Variants in LARP4B observed in about 807,000 individuals in gnomAD.
The protein encoded by LARP4B is La ribonucleoprotein 4B, also known as la-related protein 4B.
Under a neutral mutation model 89.8 loss-of-function variants are expected in LARP4B, and 12 were observed. The ratio of observed to expected loss-of-function variants is 0.13; its 90% confidence interval spans 0.09 to 0.22. The LOEUF is 0.22. Ranked by LOEUF, LARP4B falls within the 10% of genes least tolerant of loss-of-function variation. LARP4B has a pLI of 1.00. For missense variants in LARP4B, 757 were observed against 947.7 expected (o/e 0.80, Z 2.64); for synonymous variants, 367 against 363.3 (o/e 1.01, Z -0.12).
chr10:980,532 A>G, the LARP4B span, among the ~76,000 whole-genome samples: 1 of 152,192 alleles, frequency 6.6e-6, no homozygotes, highest in Non-Finnish European at 1.5e-5. Context: ...CATTCTGTGC[A>G]CCTGCATGCT....
At chr10:844,702 T>A (rs1276603803) in intron 6 of LARP4B, among the ~76,000 whole-genome samples, 1 of 152,034 alleles carries the variant, frequency 6.6e-6, no homozygotes, top group Non-Finnish European at 1.5e-5. Flanking sequence ...CCAACTTCAG[T>A]GTGAGGAAGT....
chr10:924,172 T>G (rs1461563644), intron 1 of LARP4B, among the ~76,000 whole-genome samples: 3 of 152,112 alleles, frequency 2.0e-5, no homozygotes, highest in African/African-American at 7.2e-5. Flanking sequence ...CAAGCCCAGG[T>G]CGAGGCTGCA....
the LARP4B span, among the ~76,000 whole-genome samples, chr10:943,244 G>T: frequency 1.3e-5 from 2 of 152,118 alleles, no homozygotes; most frequent in Non-Finnish European, 2.9e-5. Context: ...ACCGCACCTG[G>T]CCTCACAAGT....
At chr10:965,507 A>G in the LARP4B span, among the ~76,000 whole-genome samples, 1 of 152,192 alleles carries the variant, frequency 6.6e-6, no homozygotes, top group Non-Finnish European at 1.5e-5. Flanking sequence ...GGTCGGAGAC[A>G]CCAAGAACGC....
chr10:973,885 C>A, the LARP4B span, among the ~76,000 whole-genome samples: 1 of 152,092 alleles, frequency 6.6e-6, no homozygotes, highest in Non-Finnish European at 1.5e-5. Context: ...GGATTTCTGC[C>A]GTGTTTTCAT....
At chr10:818,002 A>G in intron 14 of LARP4B, 113 bp from the exon 15 acceptor site, 1 of 1,047,044 alleles carries the variant, frequency 9.6e-7, no homozygotes, top group South Asian at 1.6e-5. Flanking sequence ...CATTCAACCC[A>G]GACAAGGGCT....
At chr10:956,826 T>C in the LARP4B span, among the ~76,000 whole-genome samples, 1 of 152,124 alleles carries the variant, frequency 6.6e-6, no homozygotes, top group African/African-American at 2.4e-5. This position sits in a 1 kb window ranked among gnomAD's most constrained non-coding sequence, Gnocchi z 4.3. Flanking sequence ...GTATGTGGCT[T>C]GGAGCTAGGC....
At chr10:917,413 C>T (rs987832629) in intron 1 of LARP4B, among the ~76,000 whole-genome samples, 4 of 152,082 alleles carry the variant, frequency 2.6e-5, no homozygotes, top group African/African-American at 7.2e-5. Context: ...CAATAAAAAC[C>T]GGTTTATTGT....
intron 1 of LARP4B, among the ~76,000 whole-genome samples, chr10:926,910 C>T (rs1196896908): frequency 1.3e-5 from 2 of 152,058 alleles, no homozygotes; most frequent in Non-Finnish European, 2.9e-5. Flanking sequence ...GTGGCACGCA[C>T]CTGTATGTAG....
At chr10:938,426 G>T in the LARP4B span, among the ~76,000 whole-genome samples, 1 of 151,438 alleles carries the variant, frequency 6.6e-6, no homozygotes, top group Non-Finnish European at 1.5e-5. Flanking sequence ...AATTTTTGTT[G>T]TATTTTTTAG....
chr10:893,308 G>A (rs2131961291), intron 1 of LARP4B, among the ~76,000 whole-genome samples: 1 of 152,148 alleles, frequency 6.6e-6, no homozygotes, highest in African/African-American at 2.4e-5. Context: ...TTTACATATT[G>A]TATATATACA....
chr10:952,341 A>AG, the LARP4B span, among the ~76,000 whole-genome samples: 1 of 142,402 alleles, frequency 7.0e-6, no homozygotes, highest in African/African-American at 2.6e-5. Flanking sequence ...CTCCATCTCA[A>AG]AAAAAAAAAA....
intron 5 of LARP4B, among the ~76,000 whole-genome samples, chr10:858,757 T>C (rs138500862): frequency 1.6e-4 from 25 of 152,072 alleles, no homozygotes; most frequent in African/African-American, 5.5e-4. Context: ...AGAAGACAAA[T>C]GGCCAATAAG....
intron 1 of LARP4B, among the ~76,000 whole-genome samples, chr10:918,527 G>C (rs555408585): frequency 8.6e-5 from 13 of 151,558 alleles, no homozygotes; most frequent in African/African-American, 2.9e-4. Context: ...CCAGCTACTC[G>C]GGAGGCTGAG....
chr10:844,746 T>C (rs903513720), intron 6 of LARP4B, among the ~76,000 whole-genome samples: 2 of 151,616 alleles, frequency 1.3e-5, no homozygotes, highest in Non-Finnish European at 2.9e-5. Context: ...CGGGGCACTT[T>C]AGACGCATTC....
the LARP4B span, among the ~76,000 whole-genome samples, chr10:968,405 T>C: frequency 6.6e-5 from 10 of 152,344 alleles, no homozygotes; most frequent in South Asian, 2.1e-3. Context: ...AACCCTTTAT[T>C]AGCATATTTT....
chr10:848,243 C>T (rs984556200), intron 5 of LARP4B, among the ~76,000 whole-genome samples: 1 of 152,200 alleles, frequency 6.6e-6, no homozygotes, highest in African/African-American at 2.4e-5. Flanking sequence ...CACCGTCCCA[C>T]TCACACCTAA....
the LARP4B span, among the ~76,000 whole-genome samples, chr10:977,912 G>C: frequency 6.6e-6 from 1 of 152,042 alleles, no homozygotes; most frequent in Admixed American, 6.6e-5. Flanking sequence ...GAGGTCACTG[G>C]GTGTGGGGGT....
downstream of LARP4B, chr10:809,317 T>A (rs1296755977): frequency 6.6e-6 from 1 of 152,246 alleles, no homozygotes; most frequent in Non-Finnish European, 1.5e-5. Flanking sequence ...AATGGCTGTC[T>A]CCGCATGAGC....
Sources: gnomAD v4.1 joint callset for allele counts (sites outside exome capture counted in the v4.1 genomes callset) on GRCh38, gnomAD v4.1.1 for gene constraint, Gnocchi (gnomAD v3.1) non-coding constraint, MANE v1.5 for transcripts, NCBI Gene and HGNC (gene_info 2026-07-23, HGNC 2026-07-21) for gene names.